Variants in MTSS1 observed in about 807,000 individuals in gnomAD.
MTSS1 encodes MTSS I-BAR domain containing 1.
A neutral mutation model predicts 79.0 loss-of-function variants in MTSS1; 18 were observed. The ratio of observed to expected loss-of-function variants is 0.23; its 90% confidence interval spans 0.16 to 0.34. MTSS1 has a LOEUF of 0.34. Among genes scored for constraint, MTSS1 ranks in the 10% least tolerant of loss-of-function variants. MTSS1 has a pLI of 1.00. For synonymous variants in MTSS1, 341 were observed against 368.6 expected (o/e 0.93, Z 0.86); for missense variants, 815 against 986.2 (o/e 0.83, Z 2.33).
intron 3 of MTSS1, among the ~76,000 whole-genome samples, chr8:124,593,000 G>T (rs918946390): frequency 2.0e-5 from 3 of 152,212 alleles, no homozygotes; most frequent in African/African-American, 7.2e-5. Flanking sequence ...AGTGTTGCCC[G>T]AATCTGACTT....
intron 10 of MTSS1, among the ~76,000 whole-genome samples, chr8:124,561,057 T>C (rs1217375051): frequency 6.6e-6 from 1 of 152,184 alleles, no homozygotes; most frequent in Admixed American, 6.5e-5. Context: ...CCCTTTACCT[T>C]ATAATAATAA....
At chr8:124,685,642 G>A (rs1258307882) in intron 3 of MTSS1, among the ~76,000 whole-genome samples, 2 of 151,966 alleles carry the variant, frequency 1.3e-5, no homozygotes, top group African/African-American at 2.4e-5. Flanking sequence ...CACACCTGGG[G>A]CATGTACTGG....
intron 3 of MTSS1, among the ~76,000 whole-genome samples, chr8:124,607,274 A>C (rs932359773): frequency 6.6e-6 from 1 of 152,232 alleles, no homozygotes; most frequent in African/African-American, 2.4e-5. Flanking sequence ...GACTCTATCA[A>C]AGGCCCTTGA....
chr8:124,582,038 G>GTCCC lies in MTSS1; in HGVS notation c.460+3045_460+3048dup, dbSNP rs1830140747. Among the ~76,000 whole-genome samples, 2 of 152,054 alleles carry GTCCC rather than the reference G, an allele frequency of 1.3e-5. No individual in the cohort carries two copies. Among genetic ancestry groups the GTCCC allele is most frequent in the African/African-American group, 2.4e-5 (1 of 41,394 alleles). Reference sequence around the variant, plus strand: ...ATCTCCCCAGCATCCTGCCGCCTCCGTCCCTCCACCTGTCGGCAATGCTGG... The same window carrying GTCCC: ...ATCTCCCCAGCATCCTGCCGCCTCCGTCCCTCCCTCCACCTGTCGGCAATGCTGG... On this transcript the variant is annotated intron_variant, in intron 6 of 13. Transcript: ENST00000518547. The surrounding 1 kb of genome is among the most constrained non-coding windows in gnomAD (Gnocchi z 4.8).
chr8:124,687,968 GC>G (rs1355878136), intron 3 of MTSS1, among the ~76,000 whole-genome samples: 3 of 151,962 alleles, frequency 2.0e-5, no homozygotes, highest in African/African-American at 7.3e-5. Flanking sequence ...TGTGAAATGC[GC>G]TCAAATGCGG....
Position 124,552,312 on chromosome 8 carries a change from T to TA in MTSS1, c.*679dup, listed in dbSNP as rs983880535. The TA allele has an allele frequency of 9.1e-5, 14 of 153,324 alleles. No homozygotes were observed. Among genetic ancestry groups the TA allele is most frequent in the African/African-American group, 3.4e-4 (14 of 41,440 alleles). The allele number at this position is 153,324 out of a possible 1,614,324, so 9.5% of individuals were successfully genotyped here. ...TATTCGGATGCATTTACCATGAAGCTACCAGAAGAAATTCAACCTACGAGG... is the reference window on the plus strand; with the variant it reads ...TATTCGGATGCATTTACCATGAAGCTAACCAGAAGAAATTCAACCTACGAGG... On this transcript the variant is annotated 3_prime_UTR_variant, in exon 14 of 14. Coordinates refer to ENST00000518547, the MANE Select transcript of MTSS1 (RefSeq NM_014751.6).
At chr8:124,624,705 G>A (rs1814309023) in intron 3 of MTSS1, among the ~76,000 whole-genome samples, 1 of 152,188 alleles carries the variant, frequency 6.6e-6, no homozygotes, top group African/African-American at 2.4e-5. Context: ...CCACGTTGAT[G>A]GCGCTGAAAT....
intron 3 of MTSS1, among the ~76,000 whole-genome samples, chr8:124,596,711 C>T (rs1441421193): frequency 6.6e-6 from 1 of 152,198 alleles, no homozygotes; most frequent in Non-Finnish European, 1.5e-5. Flanking sequence ...CAGGGCCGTG[C>T]TCCCTCTAAA....
intron 1 of MTSS1, among the ~76,000 whole-genome samples, chr8:124,721,595 A>G (rs1324479991): frequency 6.6e-6 from 1 of 151,968 alleles, no homozygotes; most frequent in East Asian, 1.9e-4. Context: ...TTTTTTGCAG[A>G]GATGGGGTTT....
chr8:124,625,084 A>G (rs1032978461), intron 3 of MTSS1, among the ~76,000 whole-genome samples: 1 of 152,202 alleles, frequency 6.6e-6, no homozygotes. Context: ...TTTTCTGGGC[A>G]GGATTCTGGG....
chr8:124,707,712 G>GA (rs71289688), intron 1 of MTSS1, among the ~76,000 whole-genome samples: 161 of 141,172 alleles, frequency 1.1e-3, no homozygotes, highest in Admixed American at 1.3e-3. Context: ...CATCTCAAAA[G>GA]AAAAAAAAAA....
chr8:124,700,778 C>G (rs1280619164), intron 2 of MTSS1, among the ~76,000 whole-genome samples: 1 of 152,108 alleles, frequency 6.6e-6, no homozygotes. Context: ...CAAACAAGCC[C>G]CAGAACTAGA....
chr8:124,694,228 G>A (rs1328010973), intron 3 of MTSS1, among the ~76,000 whole-genome samples: 2 of 152,002 alleles, frequency 1.3e-5, no homozygotes, highest in South Asian at 2.1e-4. Context: ...CAGAGCGGAC[G>A]ACACACTCCC....
At chr8:124,644,978 A>G (rs762375872) in intron 3 of MTSS1, among the ~76,000 whole-genome samples, 11 of 152,214 alleles carry the variant, frequency 7.2e-5, no homozygotes, top group Non-Finnish European at 1.5e-4. Context: ...GGCCTACTAT[A>G]TATGTGGCAT....
rs974370082 is a variant in MTSS1 at position 124,572,237 on chromosome 8, G to T, written c.461-3701C>A. 2.0e-5 allele frequency among the ~76,000 whole-genome samples: 3 copies of T among 152,064 alleles called. No individual in the cohort carries two copies. In the South Asian group the frequency reaches 6.2e-4, roughly 32 times the overall value. On this transcript the variant is annotated intron_variant, in intron 6 of 13. Transcript: ENST00000518547. ...ATAATTAAAGGACTCTCAAATTGTA[G>T]CATTCTAAAATAAGTATACTCTGTA...
chr8:124,675,562 T>G (rs1587742980), intron 3 of MTSS1, among the ~76,000 whole-genome samples: 2 of 152,340 alleles, frequency 1.3e-5, no homozygotes, highest in Middle Eastern at 3.4e-3. Flanking sequence ...GTTCAGTGCA[T>G]TCACAATGTG....
chr8:124,648,989 G>T (rs567962560), intron 3 of MTSS1, among the ~76,000 whole-genome samples: 1 of 152,330 alleles, frequency 6.6e-6, no homozygotes, highest in South Asian at 2.1e-4. Flanking sequence ...CTCCAAAACA[G>T]AGAGTTTCCC....
chr8:124,603,170 C>A (rs1194383207), intron 3 of MTSS1, among the ~76,000 whole-genome samples: 2 of 152,194 alleles, frequency 1.3e-5, no homozygotes, highest in Non-Finnish European at 2.9e-5. Flanking sequence ...GGATTACAGG[C>A]GTGCGCCACC....
chr8:124,694,465 T>C (rs1211073192), intron 3 of MTSS1, among the ~76,000 whole-genome samples: 2 of 151,942 alleles, frequency 1.3e-5, no homozygotes, highest in Non-Finnish European at 2.9e-5. Flanking sequence ...GACTAGATCA[T>C]CTTTAATGTC....
Sources: gnomAD v4.1 joint callset for allele counts (sites outside exome capture counted in the v4.1 genomes callset) on GRCh38, gnomAD v4.1.1 for gene constraint, Gnocchi (gnomAD v3.1) non-coding constraint, MANE v1.5 for transcripts, NCBI Gene and HGNC (gene_info 2026-07-23, HGNC 2026-07-21) for gene names.